Variants in TRAFD1 observed in about 807,000 individuals in gnomAD.
TRAFD1 encodes TRAF-type zinc finger domain-containing protein 1.
In TRAFD1, 38 loss-of-function variants were observed where a neutral mutation model predicts 65.3. That is an observed-to-expected ratio of 0.58 (90% CI 0.45 to 0.76). The LOEUF (loss-of-function observed/expected upper bound fraction) is 0.76. Ranked by LOEUF, TRAFD1 falls within the 30% of genes least tolerant of loss-of-function variation. TRAFD1 has a pLI of 0.00. For synonymous variants in TRAFD1, 223 were observed against 257.2 expected (o/e 0.87, Z 1.27); for missense variants, 631 against 712.6 (o/e 0.89, Z 1.30).
At chr12:112,151,463 G>C (rs1289103051) in intron 9 of TRAFD1, among the ~76,000 whole-genome samples, 1 of 151,242 alleles carries the variant, frequency 6.6e-6, no homozygotes. Flanking sequence ...CATGATCTTG[G>C]CTCACTGCAG....
chr12:112,134,779 T>G lies in TRAFD1; in HGVS notation c.89T>G (p.Ile30Ser), dbSNP rs1173680840. 6.2e-7 allele frequency: 1 copy of G among 1,613,362 alleles called. No homozygotes were observed. The highest frequency in any genetic ancestry group is 1.7e-5 in the Admixed American group (1 of 60,010). The change falls in exon 3 of 12, where the codon ATC becomes AGC. Residue 30 changes from isoleucine to serine, a missense_variant. By Grantham distance (142) the Ile-to-Ser change is moderately radical (BLOSUM62 -2). Transcript: ENST00000412615. ...IPVFNFTIHE[I>S]HCQRNIGMCP... is the part of the protein sequence containing the mutation. ...GTGTTTAACTTTACCATCCATGAGATCCACTGTCAAAGGAACATTGGTATG... is the reference window on the plus strand; with the variant it reads ...GTGTTTAACTTTACCATCCATGAGAGCCACTGTCAAAGGAACATTGGTATG...
intron 7 of TRAFD1, among the ~76,000 whole-genome samples, chr12:112,146,178 A>T (rs530786531): frequency 1.3e-5 from 2 of 150,898 alleles, no homozygotes; most frequent in Admixed American, 6.6e-5. Context: ...ATAATAATAA[A>T]AAAAAGAAGA....
chr12:112,127,611 C>T (rs904039916), intron 1 of TRAFD1, among the ~76,000 whole-genome samples: 2 of 151,890 alleles, frequency 1.3e-5, no homozygotes, highest in Non-Finnish European at 2.9e-5. Context: ...CCCAGCCTCC[C>T]AAGTAGCTGA....
chr12:112,127,661 CTTTTTTG>C (rs1279603554), intron 1 of TRAFD1, among the ~76,000 whole-genome samples: 3 of 149,084 alleles, frequency 2.0e-5, no homozygotes, highest in African/African-American at 5.0e-5. Flanking sequence ...TAATTTTTTG[CTTTTTTG>C]TTTTTTGTTT....
chr12:112,140,407 GAGA>G (rs1399900893), intron 4 of TRAFD1, among the ~76,000 whole-genome samples: 2 of 141,390 alleles, frequency 1.4e-5, no homozygotes, highest in Non-Finnish European at 3.0e-5. Flanking sequence ...GCGACAGTGC[GAGA>G]CACTGTCTCA....
chr12:112,143,423 C>T (rs1440563368), intron 6 of TRAFD1, among the ~76,000 whole-genome samples: 4 of 151,700 alleles, frequency 2.6e-5, no homozygotes, highest in Non-Finnish European at 5.9e-5. Context: ...CGGGGTTTCG[C>T]CATGTTGGCC....
Position 112,152,342 on chromosome 12 carries a change from A to G in TRAFD1, c.1620-85A>G. ...GGTTTTTTGGGGTTTGTCTGCTAGC[A>G]TAGGACTGCTTCCTGTTCCCTCTGA... On this transcript the variant is annotated intron_variant, in intron 10 of 11. Transcript: ENST00000412615. The surrounding 1 kb of genome is among the most constrained non-coding windows in gnomAD (Gnocchi z 5.0). 1.3e-6 allele frequency: 2 copies of G among 1,567,292 alleles called. No homozygotes were observed. The highest frequency in any genetic ancestry group is 2.2e-5 in the East Asian group (1 of 44,584).
At chr12:112,135,921 T>A (rs1366452884) in intron 4 of TRAFD1, among the ~76,000 whole-genome samples, 1 of 149,540 alleles carries the variant, frequency 6.7e-6, no homozygotes, top group East Asian at 2.0e-4. Flanking sequence ...GGTGGGCAGA[T>A]CACTTGAGGT....
chr12:112,141,920 A>G, intron 5 of TRAFD1, 169 bp from the exon 6 acceptor site: 1 of 659,338 alleles, frequency 1.5e-6, no homozygotes, highest in South Asian at 2.0e-5. Context: ...GGCAGACTTT[A>G]ATGTTCAAAG....
chr12:112,138,718 T>C (rs184081251), intron 4 of TRAFD1, among the ~76,000 whole-genome samples: 3 of 150,726 alleles, frequency 2.0e-5, no homozygotes, highest in African/African-American at 7.3e-5. Flanking sequence ...ATTAGCCAGG[T>C]GTGGTGGTAG....
Position 112,148,078 on chromosome 12 carries a change from G to A in TRAFD1, c.932G>A (p.Ser311Asn). 1 of 1,613,670 alleles carries A rather than the reference G, an allele frequency of 6.2e-7. No individual in the cohort carries two copies. Among genetic ancestry groups the A allele is most frequent in the African/African-American group, 1.3e-5 (1 of 75,024 alleles). The change falls in exon 8 of 12, where the codon AGC becomes AAC. Residue 311 changes from serine (S) to asparagine (N), a missense_variant. Coordinates refer to ENST00000412615, the MANE Select transcript of TRAFD1 (RefSeq NM_006700.3). ...CCTATATTTTTTGAATGACAGACAA[G>A]CTGTAACCCTTCACGTGCCTTACCT... is the stretch of plus-strand genomic sequence containing the variant. ...PEELLIDHQT[S>N]CNPSRALPSL... is the part of the protein sequence containing the mutation.
At chr12:112,136,931 A>G (rs1412029374) in intron 4 of TRAFD1, among the ~76,000 whole-genome samples, 1 of 152,214 alleles carries the variant, frequency 6.6e-6, no homozygotes, top group African/African-American at 2.4e-5. Context: ...TAATTCACCA[A>G]TTTAAAAATC....
chr12:112,134,498 C>T (rs187060584), intron 2 of TRAFD1, among the ~76,000 whole-genome samples: 5 of 151,422 alleles, frequency 3.3e-5, no homozygotes, highest in African/African-American at 4.9e-5. Context: ...TCAGGTGATC[C>T]GCCTGCCTCG....
At chr12:112,149,606 G>A (rs942894405) in intron 8 of TRAFD1, 145 bp from the exon 9 acceptor site, 3 of 1,022,462 alleles carry the variant, frequency 2.9e-6, no homozygotes, top group Admixed American at 2.6e-5. Context: ...CATTCCAGAT[G>A]TGTGGTTTCT....
Position 112,130,414 on chromosome 12 carries a change from A to G in TRAFD1, c.-12-97A>G, listed in dbSNP as rs1234361197. On this transcript the variant is annotated intron_variant, in intron 1 of 11. Coordinates refer to ENST00000412615, the MANE Select transcript of TRAFD1 (RefSeq NM_006700.3). The surrounding 1 kb of genome is among the most constrained non-coding windows in gnomAD (Gnocchi z 4.4). ...ATGCTTTAACATGCAGGTTTGGGTGACAGTTTCTGTATACTAGTTTTTTAT... is the reference window on the plus strand; with the variant it reads ...ATGCTTTAACATGCAGGTTTGGGTGGCAGTTTCTGTATACTAGTTTTTTAT... 1.2e-6 allele frequency: 1 copy of G among 838,188 alleles called. No individual in the cohort carries two copies. The highest frequency in any genetic ancestry group is 1.7e-5 in the African/African-American group (1 of 58,560). The allele number at this position is 838,188 out of a possible 1,614,324, so 51.9% of individuals were successfully genotyped here. A position where few individuals can be genotyped will look rare whatever the true frequency, so the allele number is the denominator to read the frequency against.
intron 4 of TRAFD1, among the ~76,000 whole-genome samples, chr12:112,135,353 C>A (rs2079592854): frequency 6.6e-6 from 1 of 152,218 alleles, no homozygotes; most frequent in Non-Finnish European, 1.5e-5. Flanking sequence ...AATATGAAGC[C>A]AGCCCTAGAG....
rs1256393950 is a variant in TRAFD1, at chr12:112,141,195, C to T, written c.614C>T (p.Thr205Ile). Residue 205 changes from threonine (T) to isoleucine (I), a missense_variant, in exon 5 of 12, where the codon ACA becomes ATA. Thr to Ile is a moderately conservative substitution (Grantham distance 89, BLOSUM62 -1). Coordinates refer to ENST00000412615, the MANE Select transcript of TRAFD1 (RefSeq NM_006700.3). ...AGAACTACCAACCAAAGGAACATTA[C>T]AGCCCAGGTTTCAATTCAGAATAAT... Reference protein sequence around the residue: ...HNRTTNQRNITAQVSIQNNLF... With the variant: ...HNRTTNQRNIIAQVSIQNNLF... 2.5e-6 allele frequency: 4 copies of T among 1,614,012 alleles called. No individual in the cohort carries two copies. The highest frequency in any genetic ancestry group is 4.5e-5 in the East Asian group (2 of 44,888).
At chr12:112,141,386 C>A in intron 5 of TRAFD1, 162 bp downstream of exon 5, 1 of 812,836 alleles carries the variant, frequency 1.2e-6, no homozygotes. Context: ...AAATAACCTC[C>A]ATTGGATTAT....
intron 7 of TRAFD1, 141 bp from the exon 8 acceptor site, chr12:112,147,933 T>G (rs1160830551): frequency 1.5e-6 from 1 of 662,656 alleles, no homozygotes; most frequent in Non-Finnish European, 2.5e-6. Flanking sequence ...CCTCCCAAAG[T>G]GCTGGGATTA....
Sources: allele counts gnomAD v4.1 joint callset (sites outside exome capture counted in the v4.1 genomes callset), GRCh38; gene constraint gnomAD v4.1.1; non-coding constraint Gnocchi (gnomAD v3.1); transcripts MANE v1.5; gene names NCBI Gene and HGNC (gene_info 2026-07-23, HGNC 2026-07-21).